The following FNIP2 variants were observed in gnomAD, a reference collection of about 807,000 sequenced individuals.
The protein encoded by FNIP2 is folliculin-interacting protein 2.
FNIP2 carries 32 observed loss-of-function variants against 108.7 expected under a neutral mutation model. The observed-to-expected ratio is 0.29, with a 90% confidence interval of 0.22 to 0.40. FNIP2 has a LOEUF of 0.40. FNIP2 is among the 10% of genes least tolerant of loss of function. The pLI is 1.00. For synonymous variants in FNIP2, 480 were observed against 496.7 expected (o/e 0.97, Z 0.45); for missense variants, 1,202 against 1,381.6 (o/e 0.87, Z 2.06).
At chr4:158,878,336 T>C (rs1781396770) in intron 14 of FNIP2, among the ~76,000 whole-genome samples, 1 of 152,092 alleles carries the variant, frequency 6.6e-6, no homozygotes, top group African/African-American at 2.4e-5. Context: ...CAAAGAACTA[T>C]TCTTCCATGA....
At chr4:158,885,545 C>T (rs1264171828) in intron 14 of FNIP2, among the ~76,000 whole-genome samples, 1 of 152,162 alleles carries the variant, frequency 6.6e-6, no homozygotes, top group Non-Finnish European at 1.5e-5. Flanking sequence ...TATTTGTGAG[C>T]TCCTGAGTCT....
Position 158,870,449 on chromosome 4 carries a change from G to C in FNIP2, c.2929G>C (p.Asp977His), listed in dbSNP as rs772478112. 1 of 1,612,160 alleles carries C rather than the reference G, an allele frequency of 6.2e-7. No homozygotes were observed. The highest frequency in any genetic ancestry group is 8.5e-7 in the Non-Finnish European group (1 of 1,179,014). Residue 977 changes from aspartate to histidine, a missense_variant, in exon 14 of 17, where the codon GAC becomes CAC. Physicochemically the swap from Asp to His is moderately conservative, Grantham distance 81 (BLOSUM62 -1). Around this residue, in one of 5 missense-constraint regions of FNIP2, gnomAD observed 142 missense variants for 183.8 expected, o/e 0.77. Coordinates refer to ENST00000264433, the MANE Select transcript of FNIP2 (RefSeq NM_020840.3). Reference protein sequence around the residue: ...DEKLKQCLVADLVHTVHHPVL... With the variant: ...DEKLKQCLVAHLVHTVHHPVL... ...GAAGCTGAAGCAGTGCCTGGTGGCC[G>C]ACCTTGTCCACACAGTCCATGTAAG...
chr4:158,830,050 G>A (rs1290892407), intron 3 of FNIP2, among the ~76,000 whole-genome samples: 2 of 152,092 alleles, frequency 1.3e-5, no homozygotes, highest in Non-Finnish European at 2.9e-5. Flanking sequence ...AGAATTTTCA[G>A]CAGGTTGAGA....
intron 1 of FNIP2, among the ~76,000 whole-genome samples, chr4:158,781,575 C>T (rs1372309879): frequency 1.3e-5 from 2 of 152,028 alleles, no homozygotes; most frequent in South Asian, 4.1e-4. Context: ...AGTGCAGTGG[C>T]GCGATCTTGG....
rs764157227 is a variant in FNIP2 at position 158,870,463 on chromosome 4, A to G, written c.2943A>G (p.Thr981=). The G allele has an allele frequency of 2.1e-5, 33 of 1,608,152 alleles. No homozygotes were observed. The highest frequency in any genetic ancestry group is 6.8e-5 in the Admixed American group (4 of 58,708). Residue 981 remains threonine (T), a synonymous_variant, in exon 14 of 17, where the codon ACA becomes ACG. Transcript: ENST00000264433. ...KQCLVADLVH[T]VHHPVLDEPI... is the part of the protein sequence containing the mutation. ...GCCTGGTGGCCGACCTTGTCCACAC[A>G]GTCCATGTAAGTGATCCCAGTGTGG... is the stretch of plus-strand genomic sequence containing the variant.
chr4:158,827,556 T>C (rs1011164415), intron 2 of FNIP2, among the ~76,000 whole-genome samples: 2 of 152,122 alleles, frequency 1.3e-5, no homozygotes, highest in African/African-American at 4.8e-5. Context: ...CACCAGGTGG[T>C]TTCTCCAATT....
chr4:158,769,676 C>T (rs992219721), intron 1 of FNIP2, among the ~76,000 whole-genome samples: 1 of 152,214 alleles, frequency 6.6e-6, no homozygotes, highest in Non-Finnish European at 1.5e-5. Context: ...TCTGCGGGCC[C>T]AGCAAAGCTG....
intron 7 of FNIP2, among the ~76,000 whole-genome samples, chr4:158,837,736 G>A (rs1778889257): frequency 6.6e-6 from 1 of 152,200 alleles, no homozygotes; most frequent in Non-Finnish European, 1.5e-5. Flanking sequence ...GGAAATGGGG[G>A]ATAGGTGTTG....
At position 158,861,599 on chromosome 4, in the gene FNIP2, T is replaced by C. The variant is rs1780302658; in HGVS notation, c.1296-8T>C. 6.2e-7 allele frequency: 1 copy of C among 1,613,964 alleles called. No homozygotes were observed. The highest frequency in any genetic ancestry group is 8.5e-7 in the Non-Finnish European group (1 of 1,179,866). ...TAAGTTGGTTGTATCTTTTTCCATT[T>C]CTCCAAGGTTTTTTGCTGCCTTACT... is the stretch of plus-strand genomic sequence containing the variant. On this transcript the variant is annotated splice_region_variant and splice_polypyrimidine_tract_variant and intron_variant, in intron 11 of 16. Transcript: ENST00000264433.
chr4:158,797,036 CT>C, intron 1 of FNIP2, among the ~76,000 whole-genome samples: 1 of 152,298 alleles, frequency 6.6e-6, no homozygotes, highest in Admixed American at 6.5e-5. Context: ...CTTTCCCAGT[CT>C]TTCATTTCCC....
intron 14 of FNIP2, chr4:158,890,267 AC>A: frequency 2.0e-6 from 2 of 984,678 alleles, no homozygotes; most frequent in Non-Finnish European, 2.4e-6. Context: ...ATCTTTTTAA[AC>A]CCTTATATTT....
chr4:158,887,871 G>C (rs375574319), intron 14 of FNIP2, among the ~76,000 whole-genome samples: 1 of 151,420 alleles, frequency 6.6e-6, no homozygotes, highest in Non-Finnish European at 1.5e-5. Flanking sequence ...TGAAAACTTA[G>C]AGATTGACTG....
At chr4:158,802,601 A>C (rs1364111569) in intron 1 of FNIP2, among the ~76,000 whole-genome samples, 2 of 152,214 alleles carry the variant, frequency 1.3e-5, no homozygotes, top group African/African-American at 4.8e-5. Context: ...GAAGTCAAGG[A>C]ATTACAGAAA....
At chr4:158,796,191 C>A (rs957725779) in intron 1 of FNIP2, among the ~76,000 whole-genome samples, 13 of 152,094 alleles carry the variant, frequency 8.5e-5, no homozygotes, top group Admixed American at 6.5e-4. Context: ...TTTTATAGAG[C>A]AAATGGCCCT....
intron 15 of FNIP2, 32 bp from the exon 16 acceptor site, chr4:158,895,718 A>T (rs1445141097): frequency 7.4e-7 from 1 of 1,356,272 alleles, no homozygotes; most frequent in African/African-American, 1.4e-5. Context: ...TTTGACTTCT[A>T]GCCCTCATTG....
chr4:158,844,544 C>G (rs552802586), intron 7 of FNIP2, among the ~76,000 whole-genome samples: 85 of 152,250 alleles, frequency 5.6e-4, no homozygotes, highest in African/African-American at 1.9e-3. Context: ...ATCATGGTAA[C>G]TTATTTTTAT....
intron 7 of FNIP2, among the ~76,000 whole-genome samples, chr4:158,847,715 C>A (rs1367704298): frequency 6.6e-6 from 1 of 152,182 alleles, no homozygotes; most frequent in African/African-American, 2.4e-5. Context: ...CAGTTCCAGA[C>A]ATTGGCTCTT....
intron 1 of FNIP2, among the ~76,000 whole-genome samples, chr4:158,820,392 C>T (rs1453400628): frequency 3.3e-5 from 5 of 152,186 alleles, no homozygotes; most frequent in African/African-American, 4.8e-5. Context: ...AATCACCCTG[C>T]AACATGTTAT....
Position 158,861,458 on chromosome 4 carries a change from C to T in FNIP2, c.1265C>T (p.Thr422Ile), listed in dbSNP as rs1230600176. The change falls in exon 11 of 17, where the codon ACA (threonine) becomes ATA (isoleucine). Residue 422 changes from threonine (T) to isoleucine (I), a missense_variant. Transcript: ENST00000264433. ...QLCQRFLKEFTLLIEQINKNQ... is the reference protein window; with the variant it reads ...QLCQRFLKEFILLIEQINKNQ... ...TGCCAGCGCTTTCTCAAGGAGTTTA[C>T]ACTTCTGATAGAACAGATAAATAAA... 16 of 1,613,916 alleles carry T rather than the reference C, an allele frequency of 9.9e-6. No homozygotes were observed. Among genetic ancestry groups the T allele is most frequent in the Non-Finnish European group, 1.4e-5 (16 of 1,179,910 alleles).
Sources: allele counts gnomAD v4.1 joint callset (sites outside exome capture counted in the v4.1 genomes callset), GRCh38; gene constraint gnomAD v4.1.1; regional missense constraint gnomAD v4.1.1; transcripts MANE v1.5; gene names NCBI Gene and HGNC (gene_info 2026-07-23, HGNC 2026-07-21).